BCL2: variants seen among roughly 807,000 people sequenced by gnomAD.
BCL2 encodes the protein BCL2 apoptosis regulator, also known as apoptosis regulator Bcl-2.
BCL2 carries 1 observed loss-of-function variant against 14.2 expected under a neutral mutation model. The ratio of observed to expected loss-of-function variants is 0.07; its 90% confidence interval spans 0.02 to 0.33. BCL2 has a LOEUF of 0.33. Among genes scored for constraint, BCL2 ranks in the 10% least tolerant of loss-of-function variants. The pLI is 0.99. For missense variants in BCL2, 247 were observed against 305.9 expected, an observed-to-expected ratio of 0.81 and a Z score of 1.44; for synonymous variants, 151 against 137.2, an observed-to-expected ratio of 1.10 and a Z score of -0.70.
chr18:63,174,030 A>T (rs72943022), intron 2 of BCL2, among the ~76,000 whole-genome samples: 4,987 of 152,244 alleles, frequency 0.033, 86 homozygotes, highest in South Asian at 0.063. Context: ...GTGTTTGTGA[A>T]TTTTTCTGGA....
intron 2 of BCL2, among the ~76,000 whole-genome samples, chr18:63,208,401 T>C (rs1909905502): frequency 7.0e-6 from 1 of 142,014 alleles, no homozygotes; most frequent in African/African-American, 2.5e-5. Flanking sequence ...TTTTTGCTCA[T>C]TTCCCTGGCT....
chr18:63,245,275 G>T (rs1230239890), intron 2 of BCL2, among the ~76,000 whole-genome samples: 3 of 152,198 alleles, frequency 2.0e-5, no homozygotes, highest in African/African-American at 7.2e-5. Context: ...TCATAATGTG[G>T]TCAGGGTTAC....
chr18:63,176,714 T>C (rs1209922176), intron 2 of BCL2, among the ~76,000 whole-genome samples: 1 of 152,192 alleles, frequency 6.6e-6, no homozygotes, highest in Non-Finnish European at 1.5e-5. Flanking sequence ...ATCACCTCAC[T>C]TATCATTTCT....
chr18:63,247,452 C>T (rs1001080322), intron 2 of BCL2, among the ~76,000 whole-genome samples: 1 of 152,110 alleles, frequency 6.6e-6, no homozygotes, highest in Non-Finnish European at 1.5e-5. Context: ...CCCACCTTGA[C>T]CTCCCAAAGT....
chr18:63,123,768 A>G lies in BCL2; in HGVS notation c.*4857T>C, dbSNP rs1913836766. The G allele has an allele frequency of 4.6e-6, 1 of 218,188 alleles. No individual in the cohort carries two copies. Among genetic ancestry groups the G allele is most frequent in the East Asian group, 6.7e-5 (1 of 14,890 alleles). 13.5% of individuals were successfully genotyped at this position (218,188 alleles called of 1,614,324 possible). On this transcript the variant is annotated 3_prime_UTR_variant, in exon 3 of 3. Transcript: ENST00000333681. The stretch of plus-strand genomic sequence containing the variant: ...AGAAAGCTTCCCCAAAAGAAATGCA[A>G]TCCACTGTCACTCTTGCAAATTCTA...
intron 2 of BCL2, among the ~76,000 whole-genome samples, chr18:63,278,111 C>T (rs1912208777): frequency 6.6e-6 from 1 of 152,180 alleles, no homozygotes; most frequent in African/African-American, 2.4e-5. Flanking sequence ...TTCATTTTTG[C>T]TTTTCATCAG....
chr18:63,311,928 T>G (rs1913335853), intron 2 of BCL2, among the ~76,000 whole-genome samples: 2 of 152,220 alleles, frequency 1.3e-5, no homozygotes, highest in Admixed American at 6.5e-5. Context: ...TAGTCAAACA[T>G]TTATTGAAGT....
intron 2 of BCL2, among the ~76,000 whole-genome samples, chr18:63,254,946 A>C (rs1911427333): frequency 6.6e-6 from 1 of 152,208 alleles, no homozygotes; most frequent in African/African-American, 2.4e-5. Context: ...GAGGAGAAAG[A>C]ATGCAAAGCT....
Position 63,318,529 on chromosome 18 carries a change from C to T in BCL2, c.138G>A (p.Pro46=), listed in dbSNP as rs756734795. ...GAAPPGAAPA[P]GIFSSQPGHT... is the part of the protein sequence containing the mutation. ...GCCCGGGCTGGGAGGAGAAGATGCC[C>T]GGTGCGGGGGCGGCCCCCGGGGGCG... The change falls in exon 2 of 3, where the codon CCG becomes CCA. Residue 46 remains proline (P), a synonymous_variant. Coordinates refer to ENST00000333681, the MANE Select transcript of BCL2 (RefSeq NM_000633.3). The surrounding 1 kb of genome is among the most constrained non-coding windows in gnomAD (Gnocchi z 7.4). 4 of 1,576,884 alleles carry T rather than the reference C, an allele frequency of 2.5e-6. No homozygotes were observed. The highest frequency in any genetic ancestry group is 3.3e-4 in the Middle Eastern group (2 of 5,972).
chr18:63,173,904 T>C (rs563555216), intron 2 of BCL2, among the ~76,000 whole-genome samples: 4 of 152,328 alleles, frequency 2.6e-5, no homozygotes, highest in African/African-American at 9.6e-5. Context: ...GCAGTTTCCT[T>C]TTAAGTGAGA....
At chr18:63,269,139 A>C (rs188741030) in intron 2 of BCL2, among the ~76,000 whole-genome samples, 1 of 151,946 alleles carries the variant, frequency 6.6e-6, no homozygotes. Flanking sequence ...AATTCTATAG[A>C]GATGGGGTCT....
chr18:63,312,974 A>C (rs1323192072), intron 2 of BCL2, among the ~76,000 whole-genome samples: 1 of 152,204 alleles, frequency 6.6e-6, no homozygotes, highest in Non-Finnish European at 1.5e-5. Flanking sequence ...GTTACACAGT[A>C]TTTTTTAAAG....
intron 2 of BCL2, among the ~76,000 whole-genome samples, chr18:63,245,068 G>A (rs1357723219): frequency 1.3e-5 from 2 of 152,130 alleles, no homozygotes; most frequent in African/African-American, 4.8e-5. Flanking sequence ...CCCACTCTTC[G>A]GGTGACCTGT....
At chr18:63,214,754 A>G (rs750495084) in intron 2 of BCL2, among the ~76,000 whole-genome samples, 2 of 151,972 alleles carry the variant, frequency 1.3e-5, no homozygotes, top group Non-Finnish European at 2.9e-5. Flanking sequence ...TCTGTCACCC[A>G]GGCTGGAGTG....
At chr18:63,177,273 C>A (rs1915372758) in intron 2 of BCL2, among the ~76,000 whole-genome samples, 1 of 152,108 alleles carries the variant, frequency 6.6e-6, no homozygotes, top group Admixed American at 6.5e-5. Flanking sequence ...CAGGAGGTAC[C>A]AAATGTGCTT....
At chr18:63,188,282 C>A (rs1915639823) in intron 2 of BCL2, among the ~76,000 whole-genome samples, 1 of 152,210 alleles carries the variant, frequency 6.6e-6, no homozygotes. Flanking sequence ...AGTTTCAGTG[C>A]TAGCTCTGAA....
intron 2 of BCL2, among the ~76,000 whole-genome samples, chr18:63,255,209 C>G (rs1387434397): frequency 6.6e-6 from 1 of 152,210 alleles, no homozygotes; most frequent in Non-Finnish European, 1.5e-5. Flanking sequence ...GTCACCTTCT[C>G]TAGTTTCATA....
intron 2 of BCL2, among the ~76,000 whole-genome samples, chr18:63,233,105 C>T (rs1910730849): frequency 2.0e-5 from 3 of 152,098 alleles, no homozygotes; most frequent in South Asian, 2.1e-4. Flanking sequence ...AAGAGAGCTC[C>T]GTGGGGTCTC....
At chr18:63,226,382 G>T (rs879532762) in intron 2 of BCL2, among the ~76,000 whole-genome samples, 20 of 152,034 alleles carry the variant, frequency 1.3e-4, no homozygotes, top group Non-Finnish European at 2.4e-4. Flanking sequence ...TGAGGGTGGG[G>T]CCCTCACTGG....
Sources: allele counts gnomAD v4.1 joint callset (sites outside exome capture counted in the v4.1 genomes callset), GRCh38; gene constraint gnomAD v4.1.1; non-coding constraint Gnocchi (gnomAD v3.1); transcripts MANE v1.5; gene names NCBI Gene and HGNC (gene_info 2026-07-23, HGNC 2026-07-21).